The following BABAM2 variants were observed in gnomAD, a reference collection of about 807,000 sequenced individuals.
The protein encoded by BABAM2 is BRISC and BRCA1 A complex member 2.
BABAM2 carries 31 observed loss-of-function variants against 54.7 expected under a neutral mutation model. The ratio of observed to expected loss-of-function variants is 0.57; its 90% CI spans 0.43 to 0.77. The LOEUF is 0.77. BABAM2 is among the 30% of genes least tolerant of loss of function. The pLI is 0.00. For synonymous variants in BABAM2, 167 were observed against 162.9 expected (o/e 1.03, Z -0.19); for missense variants, 364 against 455.8 (o/e 0.80, Z 1.83).
intron 11 of BABAM2, among the ~76,000 whole-genome samples, chr2:28,299,766 C>T (rs1687967151): frequency 6.6e-6 from 1 of 152,120 alleles, no homozygotes; most frequent in African/African-American, 2.4e-5. Flanking sequence ...ACCTCCAGAT[C>T]TGGAATGTTC....
intron 2 of BABAM2, 77 bp downstream of exon 2, chr2:27,894,761 A>G: frequency 6.4e-7 from 1 of 1,551,940 alleles, no homozygotes; most frequent in Non-Finnish European, 8.8e-7. Flanking sequence ...TCCTTACCAG[A>G]CTCATAAAAA....
intron 3 of BABAM2, among the ~76,000 whole-genome samples, chr2:27,957,861 C>T (rs1670199314): frequency 6.6e-6 from 1 of 152,220 alleles, no homozygotes. Flanking sequence ...ATGAGGCTTT[C>T]ATCTTACTCT....
intron 7 of BABAM2, among the ~76,000 whole-genome samples, chr2:28,156,932 G>A (rs1474983692): frequency 6.6e-6 from 1 of 152,144 alleles, no homozygotes; most frequent in Non-Finnish European, 1.5e-5. Context: ...CAATTTAATT[G>A]ATAGAAATCT....
At chr2:28,136,636 C>T (rs998054686) in intron 7 of BABAM2, among the ~76,000 whole-genome samples, 3 of 152,328 alleles carry the variant, frequency 2.0e-5, no homozygotes, top group African/African-American at 4.8e-5. Context: ...TTCATAAGAG[C>T]GGTTTATCAA....
chr2:28,238,740 G>A (rs988908171), intron 8 of BABAM2, among the ~76,000 whole-genome samples: 2 of 152,050 alleles, frequency 1.3e-5, no homozygotes, highest in African/African-American at 4.8e-5. Flanking sequence ...CTGTGTCCCA[G>A]AATTATAGAG....
intron 6 of BABAM2, among the ~76,000 whole-genome samples, chr2:28,113,056 A>T (rs59422102): frequency 0.13 from 20,270 of 151,348 alleles, 1,709 homozygotes; most frequent in African/African-American, 0.23. Flanking sequence ...GTTGTTTGTT[A>T]TTTTCTTGTA....
At chr2:28,026,917 A>AG (rs1491354049) in intron 5 of BABAM2, among the ~76,000 whole-genome samples, 4 of 29,472 alleles carry the variant, frequency 1.4e-4, no homozygotes, top group Non-Finnish European at 2.7e-4. Flanking sequence ...AATATATATT[A>AG]ATATATATAA....
intron 7 of BABAM2, among the ~76,000 whole-genome samples, chr2:28,195,281 C>T (rs1270916005): frequency 2.6e-5 from 4 of 152,080 alleles, no homozygotes; most frequent in Non-Finnish European, 5.9e-5. Flanking sequence ...GTTGATCTTT[C>T]CTTTATTTTT....
chr2:28,261,630 G>A (rs546594231), intron 10 of BABAM2, among the ~76,000 whole-genome samples: 4 of 152,022 alleles, frequency 2.6e-5, no homozygotes, highest in Non-Finnish European at 4.4e-5. Context: ...GAGCCACCGC[G>A]CCCGGCCAAT....
chr2:27,952,196 G>T (rs1558613615), intron 3 of BABAM2, among the ~76,000 whole-genome samples: 1 of 152,064 alleles, frequency 6.6e-6, no homozygotes, highest in Non-Finnish European at 1.5e-5. Context: ...ACCTATTTGT[G>T]TCTTTAGATT....
intron 6 of BABAM2, among the ~76,000 whole-genome samples, chr2:28,127,474 A>G (rs1249149791): frequency 1.3e-5 from 2 of 151,994 alleles, no homozygotes; most frequent in African/African-American, 2.4e-5. Context: ...GAGTGTGTAG[A>G]TATCTCTTCC....
rs191716277 is a variant in BABAM2 at position 28,139,053 on chromosome 2, A to G, written c.680+9673A>G. 9.1e-4 allele frequency among the ~76,000 whole-genome samples: 139 copies of G among 152,160 alleles called. 3 individuals are homozygous for G. The South Asian group carries it at 0.021, about 23-fold the overall frequency. On this transcript the variant is annotated intron_variant, in intron 7 of 11. Coordinates refer to ENST00000379624, the MANE Select transcript of BABAM2 (RefSeq NM_199191.3). The stretch of plus-strand genomic sequence containing the variant: ...CTGCTGTGGACCATGTGCCCCAGAT[A>G]CCCAAGCCATAGGTAGTGGGACCAG...
intron 7 of BABAM2, among the ~76,000 whole-genome samples, chr2:28,227,738 C>T (rs1197538536): frequency 6.6e-6 from 1 of 152,154 alleles, no homozygotes; most frequent in African/African-American, 2.4e-5. Context: ...CCTGGCCGTG[C>T]ATCATTGCAT....
chr2:28,128,306 A>T (rs1255527145), intron 6 of BABAM2, among the ~76,000 whole-genome samples: 1 of 152,232 alleles, frequency 6.6e-6, no homozygotes, highest in East Asian at 1.9e-4. Flanking sequence ...TTTATATTTG[A>T]CTTGGAGCCA....
At chr2:28,101,598 A>G (rs78771509) in intron 6 of BABAM2, among the ~76,000 whole-genome samples, 3 of 152,248 alleles carry the variant, frequency 2.0e-5, no homozygotes, top group East Asian at 1.9e-4. Context: ...TCCCCAGTCC[A>G]TGTGGGGAAC....
At chr2:27,907,199 T>G (rs1266533425) in intron 2 of BABAM2, among the ~76,000 whole-genome samples, 1 of 152,184 alleles carries the variant, frequency 6.6e-6, no homozygotes, top group Admixed American at 6.5e-5. Context: ...TGGCATGTTA[T>G]GAAAGTTAAG....
chr2:28,025,686 C>T (rs576576705), intron 5 of BABAM2, among the ~76,000 whole-genome samples: 2 of 152,286 alleles, frequency 1.3e-5, no homozygotes, highest in East Asian at 3.9e-4. Context: ...GCCTGAGGGC[C>T]TGCACGTGCT....
intron 7 of BABAM2, among the ~76,000 whole-genome samples, chr2:28,179,010 C>G (rs1004404380): frequency 1.3e-5 from 2 of 152,032 alleles, no homozygotes; most frequent in Non-Finnish European, 2.9e-5. Flanking sequence ...ACTCTCCCAA[C>G]AAAGAAGTTT....
chr2:27,972,854 C>A (rs1671320448), intron 3 of BABAM2, among the ~76,000 whole-genome samples: 1 of 149,770 alleles, frequency 6.7e-6, no homozygotes, highest in South Asian at 2.1e-4. Flanking sequence ...GTAACCTCCA[C>A]CTCCCAGGTT....
Sources: gnomAD v4.1 joint callset for allele counts (sites outside exome capture counted in the v4.1 genomes callset) on GRCh38, gnomAD v4.1.1 for gene constraint, MANE v1.5 for transcripts, NCBI Gene and HGNC (gene_info 2026-07-23, HGNC 2026-07-21) for gene names.